TDRD7: variants seen among roughly 807,000 people sequenced by gnomAD.
TDRD7 encodes the protein tudor domain containing 7.
A neutral mutation model predicts 109.8 loss-of-function variants in TDRD7; 47 were observed. The observed-to-expected ratio is 0.43, with a 90% CI of 0.34 to 0.55. The LOEUF is 0.55. TDRD7 is among the 20% of genes least tolerant of loss of function. TDRD7 has a pLI of 0.03. For missense variants in TDRD7, 1,164 were observed against 1,319.2 expected (o/e 0.88, Z 1.82); for synonymous variants, 424 against 457.3 (o/e 0.93, Z 0.93).
chr9:97,495,917 AT>A lies in TDRD7; in HGVS notation c.*40del. ...TCTGAAACCTTGACAACTAATTCAG[AT>A]TTTTTAGCAATAACAAAATGTAGTA... On this transcript the variant is annotated 3_prime_UTR_variant, in exon 17 of 17. Coordinates refer to ENST00000355295, the MANE Select transcript of TDRD7 (RefSeq NM_014290.3). The A allele has an allele frequency of 6.4e-7, 1 of 1,573,996 alleles. No individual in the cohort carries two copies. The highest frequency in any genetic ancestry group is 8.7e-7 in the Non-Finnish European group (1 of 1,144,442).
At chr9:97,495,003 G>A (rs970833477) in intron 16 of TDRD7, among the ~76,000 whole-genome samples, 4 of 152,148 alleles carry the variant, frequency 2.6e-5, no homozygotes, top group African/African-American at 9.7e-5. Flanking sequence ...GAGCCACTGT[G>A]CCCGGCCAAT....
At chr9:97,418,931 A>C (rs1827854713) in intron 1 of TDRD7, among the ~76,000 whole-genome samples, 1 of 152,212 alleles carries the variant, frequency 6.6e-6, no homozygotes, top group South Asian at 2.1e-4. Flanking sequence ...GAAGGGAAGG[A>C]GAATACCATG....
chr9:97,488,291 C>T (rs977404704), intron 16 of TDRD7, among the ~76,000 whole-genome samples: 1 of 152,136 alleles, frequency 6.6e-6, no homozygotes, highest in Non-Finnish European at 1.5e-5. Context: ...GCACCTTGCC[C>T]CATATGTGGA....
chr9:97,430,918 G>A lies in TDRD7; in HGVS notation c.208-15G>A, dbSNP rs1333300488. 11 of 1,613,602 alleles carry A rather than the reference G, an allele frequency of 6.8e-6. No homozygotes were observed. The highest frequency in any genetic ancestry group is 1.7e-5 in the Admixed American group (1 of 59,970). On this transcript the variant is annotated splice_polypyrimidine_tract_variant and intron_variant, in intron 2 of 16. Coordinates refer to ENST00000355295, the MANE Select transcript of TDRD7 (RefSeq NM_014290.3). ...TGAGAAATGTTTCTCCTCTTACCCT[G>A]CCTCTAATGAATAGATTACCTGCTA...
intron 4 of TDRD7, among the ~76,000 whole-genome samples, chr9:97,434,620 T>C (rs1006076489): frequency 1.3e-5 from 2 of 152,162 alleles, no homozygotes; most frequent in Non-Finnish European, 2.9e-5. Flanking sequence ...AATTTTTTCT[T>C]GTCAACTAAA....
intron 11 of TDRD7, among the ~76,000 whole-genome samples, chr9:97,474,998 A>C (rs1828991385): frequency 6.6e-6 from 1 of 152,180 alleles, no homozygotes; most frequent in Non-Finnish European, 1.5e-5. Context: ...GAAGAGATGA[A>C]AATGAAAAGA....
In TDRD7 at chr9:97,453,908, T is replaced by G. The variant is rs529901380; in HGVS notation, c.856-6270T>G. ...CGCGCAGATTCATGAAACAAGTTCT[T>G]AGACACCTACAAAGAGACTTAGACT... On this transcript the variant is annotated intron_variant, in intron 6 of 16. Coordinates refer to ENST00000355295, the MANE Select transcript of TDRD7 (RefSeq NM_014290.3). Among the ~76,000 whole-genome samples the G allele has an allele frequency of 2.0e-5, 3 of 152,282 alleles. No individual in the cohort carries two copies. The East Asian group carries it at 5.8e-4, about 29-fold the overall frequency.
In TDRD7 at chr9:97,470,477, A is replaced by G; in HGVS notation, c.1630-81A>G. On this transcript the variant is annotated intron_variant, in intron 8 of 16. Coordinates refer to ENST00000355295, the MANE Select transcript of TDRD7 (RefSeq NM_014290.3). Reference sequence around the variant, plus strand: ...CACTCAGCTTGCTGATCATGGAATAAGATTGAGCCAATTAAGTGTATCAAA... The same window carrying G: ...CACTCAGCTTGCTGATCATGGAATAGGATTGAGCCAATTAAGTGTATCAAA... 2.3e-6 allele frequency: 3 copies of G among 1,307,952 alleles called. No homozygotes were observed. The African/African-American group carries it at 4.4e-5, about 19-fold the overall frequency. 81.0% of individuals were successfully genotyped at this position (1,307,952 alleles called of 1,614,324 possible). A position where few individuals can be genotyped will look rare whatever the true frequency, so the allele number is the denominator to read the frequency against.
intron 1 of TDRD7, among the ~76,000 whole-genome samples, chr9:97,424,974 A>G (rs1827962645): frequency 6.6e-6 from 1 of 151,922 alleles, no homozygotes; most frequent in South Asian, 2.1e-4. Flanking sequence ...TGGTTGCCAT[A>G]TGGTTTACAA....
At chr9:97,450,015 C>A (rs943093432) in intron 6 of TDRD7, among the ~76,000 whole-genome samples, 1 of 152,092 alleles carries the variant, frequency 6.6e-6, no homozygotes, top group Non-Finnish European at 1.5e-5. Context: ...CCAACTGTGG[C>A]AGAAATCAAA....
At position 97,412,865 on chromosome 9, in the gene TDRD7, C is replaced by G. The variant is rs1265284434; in HGVS notation, c.-7+627C>G. On this transcript the variant is annotated intron_variant, in intron 1 of 16. Transcript: ENST00000355295. The surrounding 1 kb of genome is among the most constrained non-coding windows in gnomAD (Gnocchi z 4.3). ...CGTGAGTAAGTTGTCTCTCAACTTT[C>G]AGTAGCATCCCCTCAGCAGGGTCAG... Among the ~76,000 whole-genome samples the G allele has an allele frequency of 6.6e-6, 1 of 152,198 alleles. No homozygotes were observed. Among genetic ancestry groups the G allele is most frequent in the Non-Finnish European group, 1.5e-5 (1 of 68,034 alleles).
intron 6 of TDRD7, among the ~76,000 whole-genome samples, chr9:97,457,242 T>A (rs1042714905): frequency 6.6e-6 from 1 of 152,106 alleles, no homozygotes; most frequent in Admixed American, 6.5e-5. Flanking sequence ...GTTCAACTGT[T>A]GTGGAAGACA....
chr9:97,471,628 C>T (rs975933568), intron 9 of TDRD7, among the ~76,000 whole-genome samples: 15 of 152,102 alleles, frequency 9.9e-5, no homozygotes, highest in Non-Finnish European at 1.0e-4. Flanking sequence ...TGGAAATAGG[C>T]ATTATAGTAC....
chr9:97,475,551 G>C (rs1227243063), intron 12 of TDRD7, 82 bp downstream of exon 12: 1 of 962,528 alleles, frequency 1.0e-6, no homozygotes, highest in Non-Finnish European at 1.6e-6. Context: ...TTAAAAAATT[G>C]AATAAATACT....
At chr9:97,445,491 G>T (rs1187869760) in intron 6 of TDRD7, among the ~76,000 whole-genome samples, 1 of 152,204 alleles carries the variant, frequency 6.6e-6, no homozygotes, top group African/African-American at 2.4e-5. Flanking sequence ...CTAAACAGGA[G>T]ACTCTACATA....
intron 7 of TDRD7, among the ~76,000 whole-genome samples, chr9:97,461,788 C>G (rs1281606818): frequency 1.3e-5 from 2 of 152,204 alleles, no homozygotes; most frequent in Non-Finnish European, 2.9e-5. Flanking sequence ...AATCTGGGCT[C>G]CTTCAACCAA....
At chr9:97,478,012 A>G (rs1829051272) in intron 12 of TDRD7, among the ~76,000 whole-genome samples, 1 of 152,104 alleles carries the variant, frequency 6.6e-6, no homozygotes. Context: ...TAATCGTAGC[A>G]CTTGGGAGGC....
intron 6 of TDRD7, among the ~76,000 whole-genome samples, chr9:97,457,673 C>A (rs749158530): frequency 9.9e-5 from 15 of 152,132 alleles, no homozygotes; most frequent in Non-Finnish European, 2.1e-4. Context: ...CCACTGCACC[C>A]GGCCACACAC....
chr9:97,470,957 C>A (rs1195271578), intron 9 of TDRD7, among the ~76,000 whole-genome samples: 1 of 151,994 alleles, frequency 6.6e-6, no homozygotes, highest in Non-Finnish European at 1.5e-5. Flanking sequence ...TTGATAGAGG[C>A]CCTGTTTCAT....
Sources: gnomAD v4.1 joint callset for allele counts (sites outside exome capture counted in the v4.1 genomes callset) on GRCh38, gnomAD v4.1.1 for gene constraint, Gnocchi (gnomAD v3.1) non-coding constraint, MANE v1.5 for transcripts, NCBI Gene and HGNC (gene_info 2026-07-23, HGNC 2026-07-21) for gene names.